LCN12: variants seen among roughly 807,000 people sequenced by gnomAD.
LCN12 encodes the protein epididymal-specific lipocalin-12.
Under a neutral mutation model 23.7 loss-of-function variants are expected in LCN12, and 15 were observed. That is an observed-to-expected ratio of 0.63 (90% confidence interval 0.42 to 0.97). LCN12 has a LOEUF of 0.97. Among genes scored for constraint, LCN12 ranks in the 50% least tolerant of loss-of-function variants. The pLI, the probability that LCN12 is intolerant of heterozygous loss-of-function variation, is 0.00. For missense variants in LCN12, 219 were observed against 249.6 expected (o/e 0.88, Z 0.83); for synonymous variants, 116 against 111.5 (o/e 1.04, Z -0.25).
intron 5 of LCN12, 129 bp from the exon 6 acceptor site, chr9:136,955,242 G>A: frequency 5.4e-6 from 8 of 1,480,538 alleles, no homozygotes; most frequent in South Asian, 4.2e-5. Flanking sequence ...CCCACTGCTG[G>A]TCCCCTTTCT....
downstream of LCN12, chr9:136,955,598 C>T: frequency 1.8e-6 from 1 of 544,218 alleles, no homozygotes; most frequent in Non-Finnish European, 3.2e-6. Context: ...TCTGGGCACA[C>T]TATGGCCCCC....
rs1305710115 is a variant in LCN12, at chr9:136,953,746, C to G, written c.298C>G (p.Gln100Glu). ...GTCTTATGTGCTGATACCGGCAGCC[C>G]AGCCTGGGCAGTTCACTGTGGACCA... is the stretch of plus-strand genomic sequence containing the variant. ...TWSYVLIPAA[Q>E]PGQFTVDHGV... The change falls in exon 3 of 6, where the codon CAG (glutamine) becomes GAG (glutamate). Residue 100 changes from glutamine to glutamate, a missense_variant. Physicochemically the swap from Gln to Glu is conservative, Grantham distance 29. Transcript: ENST00000371633. The G allele has an allele frequency of 1.9e-6, 3 of 1,605,872 alleles. No homozygotes were observed. Among genetic ancestry groups the G allele is most frequent in the Non-Finnish European group, 2.5e-6 (3 of 1,176,646 alleles).
At chr9:136,953,106 C>T (rs899291285) in intron 2 of LCN12, 78 bp downstream of exon 2, 26 of 1,569,764 alleles carry the variant, frequency 1.7e-5, no homozygotes, top group Non-Finnish European at 1.9e-5. Flanking sequence ...GGCTCAGGTG[C>T]GCCATGGGCC....
downstream of LCN12, chr9:136,955,515 C>G: frequency 2.6e-6 from 3 of 1,168,132 alleles, no homozygotes; most frequent in Middle Eastern, 2.0e-4. Context: ...AGTGTGACCA[C>G]TATGACCTTG....
In LCN12 at chr9:136,952,993, TG is replaced by T. The variant is rs1360331121; in HGVS notation, c.217del (p.Asp73MetfsTer10). 6.2e-7 allele frequency: 1 copy of T among 1,614,016 alleles called. No homozygotes were observed. The highest frequency in any genetic ancestry group is 8.5e-7 in the Non-Finnish European group (1 of 1,179,978). ...TCACCGCAACTTTTGAGCTAAGTGA[TG>T]ATGGCCGCTTTGAGGTGTGGAATGC... ...AFTATFELSDDGRFEVWNAMT... is the reference protein window; with the variant it reads ...AFTATFELSDXGRFEVWNAMT... On this transcript the variant is annotated frameshift_variant, in exon 2 of 6. Coordinates refer to ENST00000371633, the MANE Select transcript of LCN12 (RefSeq NM_178536.4). LOFTEE classifies it high-confidence loss of function.
At chr9:136,953,386 ACACCTGTAATCCTAGCACTTTGGGGGCCG>A (rs1851220275) in intron 2 of LCN12, 6 of 401,468 alleles carry the variant, frequency 1.5e-5, no homozygotes, top group African/African-American at 4.2e-5. Context: ...GCGGTCGCGC[ACACCTGTAATCCTAGCACTTTGGGGGCCG>A]GGCGCGGTGG....
Position 136,952,458 on chromosome 9 carries a change from G to A in LCN12, c.114+17G>A, listed in dbSNP as rs779308243. 37 of 1,557,342 alleles carry A rather than the reference G, an allele frequency of 2.4e-5. No homozygotes were observed. Among genetic ancestry groups the A allele is most frequent in the South Asian group, 3.4e-5 (3 of 89,342 alleles). On this transcript the variant is annotated intron_variant, in intron 1 of 5. Coordinates refer to ENST00000371633, the MANE Select transcript of LCN12 (RefSeq NM_178536.4). ...GGAAACCAGGTACAGGGGTTTTGAC[G>A]GAAGGAGAAGCAGCCGGCTGGGTCT...
intron 1 of LCN12, 34 bp from the exon 2 acceptor site, chr9:136,952,858 C>T: frequency 2.5e-6 from 4 of 1,586,960 alleles, no homozygotes; most frequent in East Asian, 2.3e-5. Flanking sequence ...CCACCCCTGC[C>T]CACCGCCGCC....
chr9:136,950,906 G>A (rs1047534467), upstream of LCN12, among the ~76,000 whole-genome samples: 1 of 150,034 alleles, frequency 6.7e-6, no homozygotes, highest in African/African-American at 2.4e-5. Flanking sequence ...AGGCTGCCGA[G>A]GCCCAGGGCA....
upstream of LCN12, among the ~76,000 whole-genome samples, chr9:136,951,880 C>T (rs1851160163): frequency 6.6e-6 from 1 of 152,236 alleles, no homozygotes; most frequent in Non-Finnish European, 1.5e-5. Flanking sequence ...AGGGGGAATG[C>T]CCGGGTTTGG....
chr9:136,953,415 G>A (rs1400070892), intron 2 of LCN12: 8 of 450,828 alleles, frequency 1.8e-5, no homozygotes, highest in Non-Finnish European at 2.8e-5. Context: ...TTTGGGGGCC[G>A]GGCGCGGTGG....
At chr9:136,950,100 A>G (rs577125717), upstream of LCN12, among the ~76,000 whole-genome samples, 2 of 152,168 alleles carry the variant, frequency 1.3e-5, no homozygotes, top group East Asian at 3.9e-4. Context: ...CGGCCCAGCC[A>G]GGCAAAGGCA....
chr9:136,950,778 C>T (rs1851133902), upstream of LCN12, among the ~76,000 whole-genome samples: 1 of 152,180 alleles, frequency 6.6e-6, no homozygotes, highest in Non-Finnish European at 1.5e-5. Flanking sequence ...TGAGACAAGG[C>T]ACAGCAAGCT....
At chr9:136,952,817 G>T in intron 1 of LCN12, 75 bp from the exon 2 acceptor site, 2 of 1,544,950 alleles carry the variant, frequency 1.3e-6, no homozygotes, top group South Asian at 1.2e-5. Context: ...TGCCAGGGAG[G>T]GCGGGAGGGG....
rs1443242090 is a variant in LCN12, at chr9:136,952,290, T to G, written c.-38T>G. The G allele has an allele frequency of 4.0e-6, 6 of 1,486,206 alleles. No individual in the cohort carries two copies. Among genetic ancestry groups the G allele is most frequent in the Non-Finnish European group, 5.6e-6 (6 of 1,075,696 alleles). The allele number at this position is 1,486,206 out of a possible 1,614,324, so 92.1% of individuals were successfully genotyped here. Reference sequence around the variant, plus strand: ...TCTGGGTCACCTGCCCATGGCCACTTCCTTCTCTCTGTCCCTGTGGGCCCA... The same window carrying G: ...TCTGGGTCACCTGCCCATGGCCACTGCCTTCTCTCTGTCCCTGTGGGCCCA... On this transcript the variant is annotated 5_prime_UTR_variant, in exon 1 of 6. Coordinates refer to ENST00000371633, the MANE Select transcript of LCN12 (RefSeq NM_178536.4).
downstream of LCN12, among the ~76,000 whole-genome samples, chr9:136,956,450 C>G (rs1564450169): frequency 6.6e-6 from 1 of 152,184 alleles, no homozygotes; most frequent in Non-Finnish European, 1.5e-5. Flanking sequence ...GACTGGAATT[C>G]CTCCCTGCCC....
At chr9:136,953,305 T>C in intron 2 of LCN12, 1 of 528,634 alleles carries the variant, frequency 1.9e-6, no homozygotes, top group Non-Finnish European at 3.4e-6. Context: ...GGCTCACACC[T>C]GTAATCCCAG....
At chr9:136,953,444 GC>G (rs1215473649) in intron 2 of LCN12, 1 of 485,250 alleles carries the variant, frequency 2.1e-6, no homozygotes, top group East Asian at 3.9e-5. Flanking sequence ...TGTAATCCCA[GC>G]ACTTTAGGGG....
At chr9:136,952,217 C>A, upstream of LCN12, 1 of 774,830 alleles carries the variant, frequency 1.3e-6, no homozygotes, top group Non-Finnish European at 2.2e-6. Flanking sequence ...GAGGGGCACA[C>A]CCCCTTGGGA....
Sources: allele counts gnomAD v4.1 joint callset (sites outside exome capture counted in the v4.1 genomes callset), GRCh38; gene constraint gnomAD v4.1.1; transcripts MANE v1.5; gene names NCBI Gene and HGNC (gene_info 2026-07-23, HGNC 2026-07-21).